Variants in PPIP5K2 observed in about 807,000 individuals in gnomAD.
PPIP5K2 encodes diphosphoinositol pentakisphosphate kinase 2, also known as inositol hexakisphosphate and diphosphoinositol-pentakisphosphate kinase 2.
PPIP5K2 carries 105 observed loss-of-function variants against 154.6 expected under a neutral mutation model. The ratio of observed to expected loss-of-function variants is 0.68; its 90% CI spans 0.58 to 0.80. PPIP5K2 has a LOEUF of 0.80. Ranked by LOEUF, PPIP5K2 falls within the 30% of genes least tolerant of loss-of-function variation. PPIP5K2 has a pLI of 0.00. For missense variants in PPIP5K2, 992 were observed against 1,504.6 expected (o/e 0.66, Z 5.64); for synonymous variants, 480 against 490.3 (o/e 0.98, Z 0.28).
intron 7 of PPIP5K2, among the ~76,000 whole-genome samples, chr5:103,148,809 T>C (rs1794140333): frequency 6.6e-6 from 1 of 152,098 alleles, no homozygotes; most frequent in Admixed American, 6.5e-5. Flanking sequence ...GTTTTTTTTT[T>C]CCTGTAAGTT....
chr5:103,158,208 T>C lies in PPIP5K2; in HGVS notation c.1510T>C (p.Ser504Pro), dbSNP rs1440309414. The C allele has an allele frequency of 6.2e-7, 1 of 1,613,172 alleles. No homozygotes were observed. Among genetic ancestry groups the C allele is most frequent in the Non-Finnish European group, 8.5e-7 (1 of 1,179,224 alleles). The change falls in exon 15 of 31, where the codon TCT becomes CCT. Residue 504 changes from serine (S) to proline (P), a missense_variant. Around this residue, in one of 9 missense-constraint regions of PPIP5K2, gnomAD observed 163 missense variants for 285.2 expected, o/e 0.57. Transcript: ENST00000358359. ...CATAGACAGCCGAAGAGAAGAACCA[T>C]CTTTACTTTTGGTTCTAAAATGGGG... ...EEEDSRREEP[S>P]LLLVLKWGGE...
intron 19 of PPIP5K2, among the ~76,000 whole-genome samples, chr5:103,170,341 C>T (rs1457494174): frequency 3.3e-5 from 5 of 151,518 alleles, no homozygotes; most frequent in African/African-American, 4.8e-5. Context: ...CAGCTGTTCT[C>T]AGTATGTTAT....
chr5:103,138,588 A>G, intron 5 of PPIP5K2, 119 bp downstream of exon 5: 1 of 541,528 alleles, frequency 1.8e-6, no homozygotes. Context: ...TTCCATTTTA[A>G]AAAATAATCT....
chr5:103,145,759 G>A (rs1275109908), intron 5 of PPIP5K2, among the ~76,000 whole-genome samples: 1 of 147,042 alleles, frequency 6.8e-6, no homozygotes, highest in African/African-American at 2.5e-5. Context: ...ATGAAGTGAG[G>A]ATAGTTAGTG....
At position 103,201,567 on chromosome 5, in the gene PPIP5K2, G is replaced by T. The variant is rs782132691; in HGVS notation, c.3665G>T (p.Arg1222Leu). Residue 1222 changes from arginine to leucine, a missense_variant, in exon 31 of 31, where the codon CGG becomes CTG. Transcript: ENST00000358359. ...SSAVVPNTSS[R>L]KKNITSKTET... Reference sequence around the variant, plus strand: ...GCAGTTGTTCCTAATACCTCATCTCGGAAAAAGAATATAACTAGCAAAACA... The same window carrying T: ...GCAGTTGTTCCTAATACCTCATCTCTGAAAAAGAATATAACTAGCAAAACA... 2 of 1,607,870 alleles carry T rather than the reference G, an allele frequency of 1.2e-6. No individual in the cohort carries two copies. The highest frequency in any genetic ancestry group is 3.3e-4 in the Middle Eastern group (2 of 6,012).
chr5:103,147,175 A>G lies in PPIP5K2; in HGVS notation c.642+494A>G, dbSNP rs565292288. 2.0e-5 allele frequency among the ~76,000 whole-genome samples: 3 copies of G among 152,142 alleles called. No individual in the cohort carries two copies. The South Asian group carries it at 6.2e-4, about 31-fold the overall frequency. ...GCACAAGACCAAACATTGTTGGCAG[A>G]AATACAAAGCAATGTAGCCTCTTAA... On this transcript the variant is annotated intron_variant, in intron 6 of 30. Transcript: ENST00000358359.
At chr5:103,166,512 G>T (rs899803922) in intron 17 of PPIP5K2, among the ~76,000 whole-genome samples, 2 of 151,958 alleles carry the variant, frequency 1.3e-5, no homozygotes, top group Admixed American at 6.6e-5. Flanking sequence ...CTGCATTGAC[G>T]TGGGTAAATT....
intron 17 of PPIP5K2, among the ~76,000 whole-genome samples, chr5:103,163,217 T>C (rs1309364284): frequency 6.6e-6 from 1 of 151,826 alleles, no homozygotes; most frequent in Non-Finnish European, 1.5e-5. Flanking sequence ...TTTTCTCTAG[T>C]CTTTCAATCT....
In PPIP5K2 at chr5:103,204,106, G is replaced by A. The variant is rs572875213; in HGVS notation, c.*2472G>A. ...AAGGAAAAAGTTTCTGTTTTCACCC[G>A]GATTTCTTTTTGGGTTGACTCTGTC... On this transcript the variant is annotated 3_prime_UTR_variant, in exon 31 of 31. Coordinates refer to ENST00000358359, the MANE Select transcript of PPIP5K2 (RefSeq NM_001276277.3). 2 of 152,228 alleles carry A rather than the reference G, an allele frequency of 1.3e-5. No homozygotes were observed. Among genetic ancestry groups the A allele is most frequent in the Admixed American group, 6.5e-5 (1 of 15,278 alleles). The allele number at this position is 152,228 out of a possible 1,614,324, so 9.4% of individuals were successfully genotyped here.
At position 103,186,512 on chromosome 5, in the gene PPIP5K2, G is replaced by A. The variant is rs1800410672; in HGVS notation, c.3289+73G>A. ...CACCCATGAGCAGTATTTCTCAAAG[G>A]CAAATCTAAGGCCACTGACTGATTC... is the stretch of plus-strand genomic sequence containing the variant. On this transcript the variant is annotated intron_variant, in intron 27 of 30. Coordinates refer to ENST00000358359, the MANE Select transcript of PPIP5K2 (RefSeq NM_001276277.3). 4 of 1,583,590 alleles carry A rather than the reference G, an allele frequency of 2.5e-6. No homozygotes were observed. The South Asian group carries it at 3.4e-5, about 13-fold the overall frequency.
chr5:103,178,163 A>T (rs1303820078), intron 23 of PPIP5K2, among the ~76,000 whole-genome samples, 183 bp downstream of exon 23: 12 of 152,040 alleles, frequency 7.9e-5, no homozygotes, highest in Admixed American at 7.9e-4. Flanking sequence ...TGCAATACCT[A>T]GGAATTTTAT....
chr5:103,133,911 C>A (rs367887175), intron 3 of PPIP5K2, among the ~76,000 whole-genome samples: 1 of 152,110 alleles, frequency 6.6e-6, no homozygotes, highest in African/African-American at 2.4e-5. Context: ...CCTACCATGT[C>A]ATTCTTAGAT....
At chr5:103,189,102 A>G (rs1800829665) in intron 28 of PPIP5K2, 2 of 1,284,254 alleles carry the variant, frequency 1.6e-6, no homozygotes, top group African/African-American at 3.0e-5. Flanking sequence ...TCTTTAGTTC[A>G]AGGAACATGG....
At chr5:103,126,041 A>G (rs573437476) in intron 1 of PPIP5K2, among the ~76,000 whole-genome samples, 6 of 152,186 alleles carry the variant, frequency 3.9e-5, no homozygotes, top group Admixed American at 3.3e-4. Flanking sequence ...TTTCATGAAC[A>G]TGGGAAATAT....
chr5:103,199,260 G>A (rs1802596197), intron 30 of PPIP5K2, among the ~76,000 whole-genome samples: 1 of 152,076 alleles, frequency 6.6e-6, no homozygotes, highest in Non-Finnish European at 1.5e-5. Context: ...CTTCCTTGAA[G>A]TCTGTGTTTC....
intron 14 of PPIP5K2, among the ~76,000 whole-genome samples, 198 bp from the exon 15 acceptor site, chr5:103,157,990 G>A (rs942794151): frequency 2.0e-5 from 3 of 152,182 alleles, no homozygotes; most frequent in Non-Finnish European, 2.9e-5. Context: ...AACAGGTATA[G>A]CAAGGGAGTA....
At chr5:103,179,803 G>A (rs1311743262) in intron 23 of PPIP5K2, among the ~76,000 whole-genome samples, 2 of 151,950 alleles carry the variant, frequency 1.3e-5, no homozygotes, top group African/African-American at 2.4e-5. Context: ...TTTCTCCATA[G>A]AGTATATGTA....
chr5:103,129,429 C>T lies in PPIP5K2; in HGVS notation c.-161C>T. The T allele has an allele frequency of 2.2e-6, 1 of 457,616 alleles. No individual in the cohort carries two copies. The allele number at this position is 457,616 out of a possible 1,614,324, so 28.3% of individuals were successfully genotyped here. On this transcript the variant is annotated 5_prime_UTR_variant, in exon 2 of 31. Transcript: ENST00000358359. ...TATCTAAGAACAAAAGAGTATTTGC[C>T]AACAGTCATCATAATATCAAGTGAT...
chr5:103,198,404 T>A (rs181749753), intron 30 of PPIP5K2, among the ~76,000 whole-genome samples: 23 of 152,284 alleles, frequency 1.5e-4, no homozygotes, highest in Non-Finnish European at 2.2e-4. Context: ...GTGAAGGTTG[T>A]TGATAATGTT....
Sources: gnomAD v4.1 joint callset for allele counts (sites outside exome capture counted in the v4.1 genomes callset) on GRCh38, gnomAD v4.1.1 for gene constraint, gnomAD v4.1.1 regional missense constraint, MANE v1.5 for transcripts, NCBI Gene and HGNC (gene_info 2026-07-23, HGNC 2026-07-21) for gene names.